NUP85: variants seen among roughly 807,000 people sequenced by gnomAD.
NUP85 encodes the protein nuclear pore complex protein Nup85.
A neutral mutation model predicts 92.8 loss-of-function variants in NUP85; 23 were observed. That is an observed-to-expected ratio of 0.25 (90% CI 0.18 to 0.35). NUP85 has a LOEUF of 0.35. Among genes scored for constraint, NUP85 ranks in the 10% least tolerant of loss-of-function variants. The pLI is 1.00. For synonymous variants in NUP85, 314 were observed against 306.9 expected, an observed-to-expected ratio of 1.02 and a Z score of -0.24; for missense variants, 759 against 822.8, an observed-to-expected ratio of 0.92 and a Z score of 0.95.
intron 3 of NUP85, 133 bp from the exon 4 acceptor site, chr17:75,211,859 A>T: frequency 1.5e-6 from 1 of 661,060 alleles, no homozygotes; most frequent in Non-Finnish European, 2.6e-6. Context: ...CCAGCTTCAG[A>T]AGGTTAGGAG....
chr17:75,212,870 T>C (rs919171336), intron 4 of NUP85, among the ~76,000 whole-genome samples: 1 of 152,046 alleles, frequency 6.6e-6, no homozygotes, highest in African/African-American at 2.4e-5. Context: ...TGCCATTTTG[T>C]AACTTGAGGG....
chr17:75,230,651 G>C (rs896701568), intron 11 of NUP85, among the ~76,000 whole-genome samples: 1 of 152,080 alleles, frequency 6.6e-6, no homozygotes, highest in South Asian at 2.1e-4. Flanking sequence ...GAGCTACCGC[G>C]CCCGGCCAAC....
intron 14 of NUP85, 105 bp downstream of exon 14, chr17:75,232,084 A>C: frequency 8.2e-7 from 1 of 1,224,246 alleles, no homozygotes; most frequent in African/African-American, 1.5e-5. Context: ...CTCACGAGCC[A>C]CACTGGAGAC....
At chr17:75,221,017 G>A (rs1401610231) in intron 7 of NUP85, among the ~76,000 whole-genome samples, 1 of 151,504 alleles carries the variant, frequency 6.6e-6, no homozygotes, top group East Asian at 1.9e-4. Context: ...GAGTAGCTGG[G>A]ACCACGGGCG....
intron 18 of NUP85, 95 bp from the exon 19 acceptor site, chr17:75,235,479 ATGTT>A (rs1598371721): frequency 1.4e-5 from 11 of 791,980 alleles, no homozygotes; most frequent in Non-Finnish European, 2.1e-5. Context: ...GCTACTATGA[ATGTT>A]AAGTGCCCTC....
intron 7 of NUP85, 144 bp downstream of exon 7, chr17:75,218,450 T>G: frequency 3.2e-6 from 3 of 949,490 alleles, no homozygotes; most frequent in African/African-American, 3.3e-5. Flanking sequence ...GGATCTTTTC[T>G]TCCCTGCTCT....
intron 1 of NUP85, among the ~76,000 whole-genome samples, chr17:75,207,714 G>A (rs991078235): frequency 6.6e-6 from 1 of 151,938 alleles, no homozygotes; most frequent in African/African-American, 2.4e-5. Flanking sequence ...GCCTGACCTC[G>A]TGATCAGCCT....
At position 75,205,928 on chromosome 17, in the gene NUP85, C is replaced by T; in HGVS notation, c.33+134C>T. 1.3e-5 allele frequency: 13 copies of T among 1,039,114 alleles called. No homozygotes were observed. In the South Asian group the frequency reaches 1.9e-4, roughly 15 times the overall value. 64.4% of individuals were successfully genotyped at this position (1,039,114 alleles called of 1,614,324 possible). On this transcript the variant is annotated intron_variant, in intron 1 of 18. Transcript: ENST00000245544. Reference sequence around the variant, plus strand: ...TTCCCTCGACTCAGTTGCCACTTTTCCGGAGGTCGCAGTGTTAACGAGGTG... The same window carrying T: ...TTCCCTCGACTCAGTTGCCACTTTTTCGGAGGTCGCAGTGTTAACGAGGTG...
Position 75,226,093 on chromosome 17 carries a change from C to T in NUP85, c.1030C>T (p.Pro344Ser). 6.2e-7 allele frequency: 1 copy of T among 1,614,158 alleles called. No homozygotes were observed. The highest frequency in any genetic ancestry group is 2.2e-5 in the East Asian group (1 of 44,876). ...TCTGGGAGGTGAGAGCAGCCCAGAA[C>T]CCCTGGACAACATCTTGTTGGCAGC... The part of the protein sequence containing the change: ...LFLGGESSPE[P>S]LDNILLAAFE... The change falls in exon 11 of 19, where the codon CCC becomes TCC. Residue 344 changes from proline (P) to serine (S), a missense_variant. Transcript: ENST00000245544.
chr17:75,208,279 T>TG, intron 1 of NUP85: 1 of 329,240 alleles, frequency 3.0e-6, no homozygotes, highest in Non-Finnish European at 5.2e-6. Flanking sequence ...CTACTAAAAA[T>TG]GAAAAAAAAA....
chr17:75,225,504 T>C (rs559887603), intron 9 of NUP85, 40 bp downstream of exon 9: 8 of 1,604,922 alleles, frequency 5.0e-6, no homozygotes, highest in Non-Finnish European at 6.8e-6. Context: ...GTTGGCTTCC[T>C]ATGGGGGCTG....
rs2291032 is a variant in NUP85, at chr17:75,234,868, G to C, written c.1767+80G>C. On this transcript the variant is annotated intron_variant, in intron 17 of 18. Coordinates refer to ENST00000245544, the MANE Select transcript of NUP85 (RefSeq NM_024844.5). The stretch of plus-strand genomic sequence containing the variant: ...AGTTGTATAGCTGTTGCCGATGTGC[G>C]TGTTTCCTCCTTTGTCGTTCTGCCT... 7.1e-6 allele frequency: 11 copies of C among 1,542,960 alleles called. No homozygotes were observed. The South Asian group carries it at 1.2e-4, about 17-fold the overall frequency.
chr17:75,215,759 C>T lies in NUP85; in HGVS notation c.411C>T (p.Ser137=), dbSNP rs2075411092. The change falls in exon 6 of 19, where the codon TCC becomes TCT. Residue 137 remains serine (S), a synonymous_variant. Coordinates refer to ENST00000245544, the MANE Select transcript of NUP85 (RefSeq NM_024844.5). Reference sequence around the variant, plus strand: ...TGTCCCCATTTCTTCCTTAGGTCTCCATTTTGTCAGCAATGGAGCTCATCT... The same window carrying T: ...TGTCCCCATTTCTTCCTTAGGTCTCTATTTTGTCAGCAATGGAGCTCATCT... ...ANGRQFSSQV[S]ILSAMELIWN... is the part of the protein sequence containing the mutation. The T allele has an allele frequency of 1.2e-6, 2 of 1,613,936 alleles. No individual in the cohort carries two copies. Among genetic ancestry groups the T allele is most frequent in the East Asian group, 2.2e-5 (1 of 44,882 alleles).
At chr17:75,208,475 T>G in intron 1 of NUP85, 52 bp from the exon 2 acceptor site, 1 of 912,616 alleles carries the variant, frequency 1.1e-6, no homozygotes, top group Non-Finnish European at 1.8e-6. Context: ...ATGGAACAAC[T>G]TCAGTAAGAA....
rs544863773 is a variant in NUP85 at position 75,207,769 on chromosome 17, C to T, written c.34-758C>T. 2.9e-3 allele frequency among the ~76,000 whole-genome samples: 448 copies of T among 152,192 alleles called. 5 individuals are homozygous for T. Among genetic ancestry groups the T allele is most frequent in the African/African-American group, 0.01 (435 of 41,536 alleles). On this transcript the variant is annotated intron_variant, in intron 1 of 18. Coordinates refer to ENST00000245544, the MANE Select transcript of NUP85 (RefSeq NM_024844.5). ...CTGGGATTACAGGCATGAGCCACCG[C>T]GCTTGGCTAGGAGTTCGAGATCAAC...
intron 11 of NUP85, among the ~76,000 whole-genome samples, chr17:75,230,359 T>G (rs2145398583): frequency 8.2e-5 from 1 of 12,176 alleles, no homozygotes; most frequent in African/African-American, 1.2e-4. Context: ...CAACATGTTT[T>G]TTGTTTTTTT....
chr17:75,232,099 G>A, intron 14 of NUP85, 120 bp downstream of exon 14: 1 of 1,031,512 alleles, frequency 9.7e-7, no homozygotes, highest in Admixed American at 2.5e-5. Context: ...GGAGACGTGG[G>A]GCTGTGGACG....
At chr17:75,218,082 T>G (rs558034616) in intron 6 of NUP85, 103 bp from the exon 7 acceptor site, 2 of 1,474,052 alleles carry the variant, frequency 1.4e-6, no homozygotes, top group East Asian at 2.3e-5. Flanking sequence ...GATAAACCTA[T>G]GTAGTCAGCT....
In NUP85 at chr17:75,234,916, G is replaced by A. The variant is rs930542145; in HGVS notation, c.1767+128G>A. 3.4e-5 allele frequency: 41 copies of A among 1,222,852 alleles called. No homozygotes were observed. The Middle Eastern group carries it at 7.5e-4, about 22-fold the overall frequency. The allele number at this position is 1,222,852 out of a possible 1,614,324, so 75.8% of individuals were successfully genotyped here. A position where few individuals can be genotyped will look rare whatever the true frequency, so the allele number is the denominator to read the frequency against. ...CCTGTGCGCGTGTATTCCCCTTAGC[G>A]CCCTCTCTGGGATTCCAGACTCACA... is the stretch of plus-strand genomic sequence containing the variant. On this transcript the variant is annotated intron_variant, in intron 17 of 18. Transcript: ENST00000245544.
Sources: allele counts gnomAD v4.1 joint callset (sites outside exome capture counted in the v4.1 genomes callset), GRCh38; gene constraint gnomAD v4.1.1; transcripts MANE v1.5; gene names NCBI Gene and HGNC (gene_info 2026-07-23, HGNC 2026-07-21).